TG: variants seen among roughly 807,000 people sequenced by gnomAD.
TG encodes the protein thyroid hormones.
TG carries 270 observed loss-of-function variants against 324.7 expected under a neutral mutation model. That is an observed-to-expected ratio of 0.83 (90% CI 0.75 to 0.92). The LOEUF is 0.92. TG is among the 40% of genes least tolerant of loss of function. The pLI, the probability that TG is intolerant of heterozygous loss-of-function variation, is 0.00. For missense variants in TG, 3,591 were observed against 3,456.4 expected (o/e 1.04, Z -0.98); for synonymous variants, 1,401 against 1,327.0 (o/e 1.06, Z -1.21).
chr8:133,115,102 A>T (rs147597000), intron 44 of TG, among the ~76,000 whole-genome samples: 1,782 of 152,260 alleles, frequency 0.012, 15 homozygotes, highest in Middle Eastern at 0.034. Flanking sequence ...CATTGCAGAG[A>T]GAGCTCAGGG....
At chr8:132,978,759 T>C (rs1295810711) in intron 34 of TG, among the ~76,000 whole-genome samples, 2 of 152,206 alleles carry the variant, frequency 1.3e-5, no homozygotes, top group East Asian at 3.9e-4. Context: ...AGCATGTCCC[T>C]GCCCTTACAG....
intron 27 of TG, among the ~76,000 whole-genome samples, chr8:132,955,624 T>C (rs529410283): frequency 6.6e-6 from 1 of 152,330 alleles, no homozygotes; most frequent in East Asian, 1.9e-4. Context: ...CAGCGTTCAG[T>C]AGGCTAATTA....
intron 8 of TG, 90 bp downstream of exon 8, chr8:132,883,089 C>A: frequency 7.0e-7 from 1 of 1,429,914 alleles, no homozygotes; most frequent in Non-Finnish European, 9.6e-7. Flanking sequence ...CCCATTAATT[C>A]AACTGCCTTC....
intron 41 of TG, among the ~76,000 whole-genome samples, chr8:133,057,555 G>A (rs1227130621): frequency 6.6e-6 from 1 of 152,122 alleles, no homozygotes; most frequent in Admixed American, 6.5e-5. Context: ...TCGCTGTGAG[G>A]AGGGACTTGT....
chr8:132,928,810 A>G (rs1490841228), intron 22 of TG, among the ~76,000 whole-genome samples: 1 of 152,248 alleles, frequency 6.6e-6, no homozygotes, highest in Non-Finnish European at 1.5e-5. Flanking sequence ...TGAGAAGAAA[A>G]TAGTTGTAAG....
In TG at chr8:132,887,979, C is replaced by T. The variant is rs540536152; in HGVS notation, c.2177-5C>T. ...CTGAAACACCTGCTCATTGTTCCTC[C>T]CCAGGCCCCACGCCCTGTCAATTAC... On this transcript the variant is annotated splice_region_variant and splice_polypyrimidine_tract_variant and intron_variant, in intron 9 of 47. Transcript: ENST00000220616. 9.3e-6 allele frequency: 15 copies of T among 1,612,194 alleles called. No homozygotes were observed. In the South Asian group the frequency reaches 1.5e-4, roughly 17 times the overall value.
chr8:132,957,049 G>A (rs887798886), intron 27 of TG, among the ~76,000 whole-genome samples: 2 of 152,094 alleles, frequency 1.3e-5, no homozygotes, highest in Non-Finnish European at 2.9e-5. Flanking sequence ...GAAGATAAGA[G>A]AAAGAAGGGA....
At chr8:132,918,078 G>C (rs1408117887) in intron 20 of TG, among the ~76,000 whole-genome samples, 2 of 151,994 alleles carry the variant, frequency 1.3e-5, no homozygotes, top group Admixed American at 1.3e-4. Context: ...TGACAGTAAG[G>C]CAGCCGTGGT....
At chr8:132,959,543 G>T (rs149051636) in intron 27 of TG, among the ~76,000 whole-genome samples, 1 of 152,122 alleles carries the variant, frequency 6.6e-6, no homozygotes, top group African/African-American at 2.4e-5. Flanking sequence ...TATATAGAGC[G>T]TCTAGGCTTA....
In TG at chr8:132,983,354, T is replaced by A; in HGVS notation, c.6204T>A (p.Ala2068=). The A allele has an allele frequency of 3.7e-6, 6 of 1,614,156 alleles. No individual in the cohort carries two copies. The highest frequency in any genetic ancestry group is 5.1e-6 in the Non-Finnish European group (6 of 1,180,004). Reference sequence around the variant, plus strand: ...AGACTGCTTTTTCCTTTTCAGTTGCTCAAAATAATGCTCCCAGTTTTTGCC... The same window carrying A: ...AGACTGCTTTTTCCTTTTCAGTTGCACAAAATAATGCTCCCAGTTTTTGCC... The part of the protein sequence containing the change: ...YPFGWYQKPI[A]QNNAPSFCPL... Residue 2068 remains alanine, a synonymous_variant, in exon 35 of 48, where the codon GCT becomes GCA. Transcript: ENST00000220616.
chr8:133,016,385 C>T (rs1263326747), intron 37 of TG, among the ~76,000 whole-genome samples: 6 of 152,200 alleles, frequency 3.9e-5, no homozygotes, highest in Non-Finnish European at 7.3e-5. Context: ...TGGCATCTCT[C>T]CCTGACCCCT....
intron 27 of TG, among the ~76,000 whole-genome samples, chr8:132,951,602 T>C (rs1041397185): frequency 6.6e-6 from 1 of 152,156 alleles, no homozygotes; most frequent in South Asian, 2.1e-4. Context: ...AATGTTTGTT[T>C]TTTTCAGTGC....
intron 41 of TG, among the ~76,000 whole-genome samples, chr8:133,052,030 C>T (rs1840496499): frequency 6.6e-6 from 1 of 152,148 alleles, no homozygotes; most frequent in South Asian, 2.1e-4. Flanking sequence ...GAACTGTTCC[C>T]TGGTTCGCTC....
At chr8:132,892,823 G>T (rs1312051456) in intron 10 of TG, among the ~76,000 whole-genome samples, 9 of 149,844 alleles carry the variant, frequency 6.0e-5, no homozygotes, top group African/African-American at 2.0e-4. Flanking sequence ...TATGTGTGTG[G>T]TGTGTGTGTA....
chr8:132,989,489 G>A (rs932554112), intron 35 of TG, among the ~76,000 whole-genome samples: 4 of 152,174 alleles, frequency 2.6e-5, no homozygotes, highest in South Asian at 2.1e-4. Context: ...TGAGAGGTGC[G>A]AGGTGGAGCG....
chr8:132,993,442 C>T (rs1238272712), intron 35 of TG, among the ~76,000 whole-genome samples: 1 of 152,160 alleles, frequency 6.6e-6, no homozygotes, highest in East Asian at 1.9e-4. Flanking sequence ...GATGATTATA[C>T]CACTTCAAAG....
intron 20 of TG, among the ~76,000 whole-genome samples, chr8:132,915,604 G>C (rs1000802635): frequency 2.0e-5 from 3 of 152,214 alleles, no homozygotes; most frequent in Admixed American, 1.3e-4. Flanking sequence ...ACAGGACTCA[G>C]CAAACCTTTC....
At position 132,948,733 on chromosome 8, in the gene TG, C is replaced by G. The variant is rs1248124893; in HGVS notation, c.5234-43C>G. The G allele has an allele frequency of 4.4e-6, 7 of 1,605,612 alleles. No individual in the cohort carries two copies. In the South Asian group the frequency reaches 6.6e-5, roughly 15 times the overall value. ...GGACAGAGAAGAGTCTCTAAAGGTCCCCCTCCATCACACTGACCTCTCCTA... is the reference window on the plus strand; with the variant it reads ...GGACAGAGAAGAGTCTCTAAAGGTCGCCCTCCATCACACTGACCTCTCCTA... On this transcript the variant is annotated intron_variant, in intron 26 of 47. Coordinates refer to ENST00000220616, the MANE Select transcript of TG (RefSeq NM_003235.5).
intron 36 of TG, 111 bp downstream of exon 36, chr8:133,012,146 T>C: frequency 6.6e-7 from 1 of 1,503,812 alleles, no homozygotes. Context: ...CCTAGGATGC[T>C]TGGAAGTAAG....
Sources: allele counts gnomAD v4.1 joint callset (sites outside exome capture counted in the v4.1 genomes callset), GRCh38; gene constraint gnomAD v4.1.1; transcripts MANE v1.5; gene names NCBI Gene and HGNC (gene_info 2026-07-23, HGNC 2026-07-21).